The following ZNF557 variants were observed in gnomAD, a reference collection of about 807,000 sequenced individuals.
ZNF557 encodes the protein zinc finger protein 557.
A neutral mutation model predicts 21.2 loss-of-function variants in ZNF557; 19 were observed. That is an observed-to-expected ratio of 0.90 (90% CI 0.63 to 1.32). The LOEUF is 1.32. Among genes scored for constraint, ZNF557 ranks in the 40% most tolerant of loss-of-function variants. The probability of loss-of-function intolerance (pLI) is 0.00; values close to 1 mark genes in which losing one functional copy is unlikely to be tolerated. For synonymous variants in ZNF557, 207 were observed against 194.8 expected, an observed-to-expected ratio of 1.06 and a Z score of -0.52; for missense variants, 487 against 519.8, an observed-to-expected ratio of 0.94 and a Z score of 0.61.
intron 5 of ZNF557, among the ~76,000 whole-genome samples, chr19:7,077,563 C>T (rs1264196774): frequency 6.6e-6 from 1 of 152,112 alleles, no homozygotes; most frequent in East Asian, 1.9e-4. Flanking sequence ...GGAAATTTAG[C>T]CTGTTCTCAT....
In ZNF557 at chr19:7,075,711, C is replaced by A; in HGVS notation, c.88C>A (p.Leu30Met). ...AGAAGGACACACAGAGGGCGGAGAG[C>A]TGGTTAATGAGCTCCTGAAAAGCTG... ...QREGHTEGGE[L>M]VNELLKSWLK... Residue 30 changes from leucine to methionine, a missense_variant, in exon 4 of 8, where the codon CTG (leucine) becomes ATG (methionine). Physicochemically the swap from Leu to Met is conservative, Grantham distance 15. Transcript: ENST00000252840. The A allele has an allele frequency of 6.2e-7, 1 of 1,613,634 alleles. No individual in the cohort carries two copies. Among genetic ancestry groups the A allele is most frequent in the Non-Finnish European group, 8.5e-7 (1 of 1,179,662 alleles).
chr19:7,078,001 G>T (rs534265028), intron 5 of ZNF557, among the ~76,000 whole-genome samples: 2 of 152,138 alleles, frequency 1.3e-5, no homozygotes, highest in African/African-American at 4.8e-5. Flanking sequence ...GGCATTGTTT[G>T]CCTTTTCGTT....
rs1249402891 is a variant in ZNF557, at chr19:7,083,774, G to C, written c.*30G>C. 1.0e-5 allele frequency: 16 copies of C among 1,564,488 alleles called. No individual in the cohort carries two copies. In the East Asian group the frequency reaches 3.4e-4, roughly 33 times the overall value. ...AATAACTGTGGGAAAAGCATTCATTGATCTTTCATGCCTCAGATAACATGA... is the reference window on the plus strand; with the variant it reads ...AATAACTGTGGGAAAAGCATTCATTCATCTTTCATGCCTCAGATAACATGA... On this transcript the variant is annotated 3_prime_UTR_variant, in exon 8 of 8. Transcript: ENST00000252840.
chr19:7,077,435 C>T (rs1977609753), intron 5 of ZNF557, among the ~76,000 whole-genome samples: 2 of 152,118 alleles, frequency 1.3e-5, no homozygotes, highest in Non-Finnish European at 2.9e-5. Context: ...CACGCCTGGC[C>T]GATGTTTTCA....
chr19:7,075,159 C>G, intron 3 of ZNF557, 54 bp downstream of exon 3: 2 of 1,612,494 alleles, frequency 1.2e-6, no homozygotes, highest in Admixed American at 1.7e-5. Flanking sequence ...AGGTCCTGAC[C>G]CACAGCATGG....
intron 5 of ZNF557, among the ~76,000 whole-genome samples, chr19:7,078,488 T>G (rs1469260328): frequency 6.6e-6 from 1 of 151,528 alleles, no homozygotes; most frequent in African/African-American, 2.4e-5. Context: ...TGGAGTGCAC[T>G]GGCACGATCT....
rs1977844409 is a variant in ZNF557, at chr19:7,086,350, CTGTT to C, written c.*2608_*2611del. On this transcript the variant is annotated 3_prime_UTR_variant, in exon 8 of 8. Transcript: ENST00000252840. ...TCTTTGTGTCCTAATATAGCAAATA[CTGTT>C]TCTTTTTTTTTTTTTTTTTTTTTTT... 1 of 130,238 alleles carries C rather than the reference CTGTT, an allele frequency of 7.7e-6. No individual in the cohort carries two copies. The highest frequency in any genetic ancestry group is 8.9e-5 in the Admixed American group (1 of 11,240). 8.1% of individuals were successfully genotyped at this position (130,238 alleles called of 1,614,324 possible).
At chr19:7,071,793 G>A (rs1484616421) in intron 2 of ZNF557, among the ~76,000 whole-genome samples, 1 of 77,166 alleles carries the variant, frequency 1.3e-5, no homozygotes, top group Non-Finnish European at 2.3e-5. Flanking sequence ...GAGCAAGACT[G>A]CATCTCAAAA....
At position 7,083,740 on chromosome 19, in the gene ZNF557, T is replaced by G; in HGVS notation, c.1289T>G (p.Met430Arg). 4.4e-6 allele frequency: 7 copies of G among 1,596,620 alleles called. No homozygotes were observed. The highest frequency in any genetic ancestry group is 6.0e-6 in the Non-Finnish European group (7 of 1,170,626). Residue 430 changes from methionine to arginine, a missense_variant, in exon 8 of 8, where the codon ATG becomes AGG. Met to Arg is a moderately conservative substitution (Grantham distance 91). Coordinates refer to ENST00000252840, the MANE Select transcript of ZNF557 (RefSeq NM_024341.3). ...CATACGAGAATGCATAATAGGCAAA[T>G]GTGAATTCAATAACTGTGGGAAAAG... ...SVHTRMHNRQ[M>R]
chr19:7,074,620 A>AGAGTGGG (rs1977537831), intron 2 of ZNF557, among the ~76,000 whole-genome samples: 1 of 149,978 alleles, frequency 6.7e-6, no homozygotes, highest in Middle Eastern at 3.4e-3. Flanking sequence ...GGCTGGCATG[A>AGAGTGGG]GAGTGGGGAG....
At chr19:7,080,270 C>T (rs945135547) in intron 5 of ZNF557, among the ~76,000 whole-genome samples, 1 of 152,164 alleles carries the variant, frequency 6.6e-6, no homozygotes, top group Non-Finnish European at 1.5e-5. Context: ...CACCACTGCA[C>T]TCTAGCCTGG....
In ZNF557 at chr19:7,085,561, G is replaced by A. The variant is rs1229906043; in HGVS notation, c.*1817G>A. On this transcript the variant is annotated 3_prime_UTR_variant, in exon 8 of 8. Coordinates refer to ENST00000252840, the MANE Select transcript of ZNF557 (RefSeq NM_024341.3). ...TTCCTTGGATGCAATACTCACGAGT[G>A]TATTAATTTCAGAAAAATTTTCAGT... The A allele has an allele frequency of 2.0e-5, 3 of 152,196 alleles. No individual in the cohort carries two copies. Among genetic ancestry groups the A allele is most frequent in the African/African-American group, 7.2e-5 (3 of 41,458 alleles). The allele number at this position is 152,196 out of a possible 1,614,324, so 9.4% of individuals were successfully genotyped here. A position where few individuals can be genotyped will look rare whatever the true frequency, so the allele number is the denominator to read the frequency against.
intron 5 of ZNF557, among the ~76,000 whole-genome samples, chr19:7,080,108 C>A (rs761337431): frequency 1.3e-5 from 2 of 152,080 alleles, no homozygotes; most frequent in Non-Finnish European, 2.9e-5. Context: ...TGGAGACCAG[C>A]CTGGCCAAGA....
intron 5 of ZNF557, among the ~76,000 whole-genome samples, chr19:7,079,240 C>CT (rs71177151): frequency 4.6e-4 from 40 of 87,496 alleles, no homozygotes; most frequent in Middle Eastern, 4.7e-3. Context: ...TTTTTTGTTT[C>CT]TTTTTTTTTT....
At position 7,083,113 on chromosome 19, in the gene ZNF557, C is replaced by G. The variant is rs1002255434; in HGVS notation, c.662C>G (p.Ser221Cys). The G allele has an allele frequency of 1.2e-6, 2 of 1,614,060 alleles. No individual in the cohort carries two copies. The highest frequency in any genetic ancestry group is 1.7e-6 in the Non-Finnish European group (2 of 1,180,002). Residue 221 changes from serine to cysteine, a missense_variant, in exon 8 of 8, where the codon TCT becomes TGT. Transcript: ENST00000252840. ...NDCGKTFSSRSYLTVHKRIHN... is the reference protein window; with the variant it reads ...NDCGKTFSSRCYLTVHKRIHN... ...TGTGGGAAAACCTTCAGCAGCAGAT[C>G]TTACCTTACTGTTCATAAGAGAATC... is the stretch of plus-strand genomic sequence containing the variant.
chr19:7,071,262 A>T (rs1446596525), intron 2 of ZNF557, among the ~76,000 whole-genome samples: 1 of 151,980 alleles, frequency 6.6e-6, no homozygotes, highest in African/African-American at 2.4e-5. Flanking sequence ...TTTTCCTAAC[A>T]GGCCTGCCAG....
At chr19:7,070,850 C>G (rs888929058) in intron 2 of ZNF557, among the ~76,000 whole-genome samples, 197 bp downstream of exon 2, 4 of 150,904 alleles carry the variant, frequency 2.7e-5, no homozygotes, top group Non-Finnish European at 5.9e-5. Context: ...ATTGCAACAT[C>G]TGCCTCCCAG....
chr19:7,081,870 C>T (rs906158775), intron 6 of ZNF557, 100 bp from the exon 7 acceptor site: 3 of 873,782 alleles, frequency 3.4e-6, no homozygotes, highest in Non-Finnish European at 1.9e-6. Context: ...CCTCACCTCT[C>T]AGATTCTGCC....
chr19:7,070,831 T>C (rs1250164908), intron 2 of ZNF557, among the ~76,000 whole-genome samples, 178 bp downstream of exon 2: 1 of 151,430 alleles, frequency 6.6e-6, no homozygotes, highest in East Asian at 1.9e-4. Flanking sequence ...AGTGGTGCGA[T>C]CTCAGCTCAT....
Sources: gnomAD v4.1 joint callset for allele counts (sites outside exome capture counted in the v4.1 genomes callset) on GRCh38, gnomAD v4.1.1 for gene constraint, MANE v1.5 for transcripts, NCBI Gene and HGNC (gene_info 2026-07-23, HGNC 2026-07-21) for gene names.